Variants in KCNIP4 observed in about 807,000 individuals in gnomAD.
KCNIP4 encodes the protein Kv channel-interacting protein 4.
A neutral mutation model predicts 34.0 loss-of-function variants in KCNIP4; 12 were observed. The observed-to-expected ratio is 0.35, with a 90% CI of 0.23 to 0.57. The LOEUF (loss-of-function observed/expected upper bound fraction) is 0.57. Ranked by LOEUF, KCNIP4 falls within the 20% of genes least tolerant of loss-of-function variation. KCNIP4 has a pLI of 0.83. For missense variants in KCNIP4, 238 were observed against 311.7 expected, an observed-to-expected ratio of 0.76 and a Z score of 1.78; for synonymous variants, 124 against 102.2, an observed-to-expected ratio of 1.21 and a Z score of -1.29.
intron 1 of KCNIP4, among the ~76,000 whole-genome samples, chr4:20,948,472 G>A (rs149288181): frequency 1.3e-5 from 2 of 152,180 alleles, no homozygotes; most frequent in East Asian, 1.9e-4. Context: ...GCTCTTATCC[G>A]GGAGAGGAGA....
intron 1 of KCNIP4, among the ~76,000 whole-genome samples, chr4:21,557,454 T>G (rs1739159313): frequency 6.6e-6 from 1 of 152,192 alleles, no homozygotes. Flanking sequence ...GTCCTGTATA[T>G]GGATGAACCT....
At chr4:21,637,516 T>C (rs1279085941) in intron 1 of KCNIP4, among the ~76,000 whole-genome samples, 2 of 152,062 alleles carry the variant, frequency 1.3e-5, no homozygotes, top group African/African-American at 2.4e-5. Flanking sequence ...CGGTGGCTTA[T>C]GTAAGCATGT....
chr4:21,185,409 CTCTTCT>C (rs1296080769), intron 1 of KCNIP4, among the ~76,000 whole-genome samples: 1 of 151,526 alleles, frequency 6.6e-6, no homozygotes, highest in Non-Finnish European at 1.5e-5. Context: ...CTCCCTCTTC[CTCTTCT>C]TCCTCTCTGT....
At chr4:20,787,596 T>G (rs1490563795) in intron 3 of KCNIP4, among the ~76,000 whole-genome samples, 1 of 152,146 alleles carries the variant, frequency 6.6e-6, no homozygotes, top group African/African-American at 2.4e-5. Context: ...TGCATTAACT[T>G]TTAGTATAAG....
At chr4:21,167,864 G>A (rs947808517) in intron 1 of KCNIP4, among the ~76,000 whole-genome samples, 1 of 152,144 alleles carries the variant, frequency 6.6e-6, no homozygotes, top group Non-Finnish European at 1.5e-5. Context: ...CCTGGCAATT[G>A]CATTCACTTA....
At chr4:21,334,138 G>A (rs1332844290) in intron 1 of KCNIP4, among the ~76,000 whole-genome samples, 2 of 152,028 alleles carry the variant, frequency 1.3e-5, no homozygotes, top group Non-Finnish European at 2.9e-5. Context: ...TGGTGGTTGA[G>A]AGTTAAAGCT....
chr4:21,495,854 A>T (rs1169717221), intron 1 of KCNIP4, among the ~76,000 whole-genome samples: 2 of 152,218 alleles, frequency 1.3e-5, no homozygotes, highest in Admixed American at 1.3e-4. Flanking sequence ...CCTTGATTAG[A>T]ATTTCTCAAG....
chr4:21,927,844 C>T (rs532115904), intron 1 of KCNIP4, among the ~76,000 whole-genome samples: 1 of 152,108 alleles, frequency 6.6e-6, no homozygotes, highest in South Asian at 2.1e-4. Context: ...ACAATTGCTG[C>T]ATGAGCCTCA....
chr4:21,137,866 A>C, intron 1 of KCNIP4, among the ~76,000 whole-genome samples: 1 of 112,830 alleles, frequency 8.9e-6, no homozygotes, highest in African/African-American at 3.8e-5. Flanking sequence ...TTTCCCTTAC[A>C]CAGGCTTTTT....
At chr4:21,522,697 C>T in intron 1 of KCNIP4, among the ~76,000 whole-genome samples, 1 of 151,840 alleles carries the variant, frequency 6.6e-6, no homozygotes, top group East Asian at 1.9e-4. Context: ...TAGTTACTAC[C>T]TGTCCAACCA....
chr4:21,062,519 T>A (rs1370610813), intron 1 of KCNIP4, among the ~76,000 whole-genome samples: 1 of 144,330 alleles, frequency 6.9e-6, no homozygotes, highest in Admixed American at 7.2e-5. Flanking sequence ...CATATATGTA[T>A]GTGTGTGTGC....
chr4:21,140,745 C>G (rs986690694), intron 1 of KCNIP4, among the ~76,000 whole-genome samples: 2 of 152,124 alleles, frequency 1.3e-5, no homozygotes, highest in Non-Finnish European at 2.9e-5. Context: ...GTGGACTACT[C>G]TAGTCCCTGC....
intron 1 of KCNIP4, among the ~76,000 whole-genome samples, chr4:21,194,814 T>C (rs1273770376): frequency 1.3e-5 from 2 of 152,224 alleles, no homozygotes; most frequent in African/African-American, 4.8e-5. Context: ...CGAACCCTGC[T>C]GCAATTTTGG....
At chr4:21,122,482 C>A (rs564776297) in intron 1 of KCNIP4, among the ~76,000 whole-genome samples, 6 of 141,334 alleles carry the variant, frequency 4.2e-5, no homozygotes, top group African/African-American at 1.6e-4. Flanking sequence ...TTTTTAAGTG[C>A]GTATACATTT....
chr4:21,653,720 T>C (rs555897126), intron 1 of KCNIP4, among the ~76,000 whole-genome samples: 13 of 152,282 alleles, frequency 8.5e-5, no homozygotes, highest in African/African-American at 3.1e-4. Context: ...TGTTTAATCC[T>C]CACAACATTC....
chr4:21,869,887 G>A (rs17569369), intron 1 of KCNIP4, among the ~76,000 whole-genome samples: 61,732 of 151,918 alleles, frequency 0.41, 12,978 homozygotes, highest in Non-Finnish European at 0.46. Flanking sequence ...CCTGGCTTAG[G>A]CAATGAGGTG....
intron 1 of KCNIP4, among the ~76,000 whole-genome samples, chr4:21,614,691 A>G (rs1744452289): frequency 1.3e-5 from 2 of 151,214 alleles, no homozygotes; most frequent in Middle Eastern, 3.5e-3. Context: ...ATAAATTCAT[A>G]TATTTATGGC....
chr4:21,716,575 G>A (rs563504481), intron 1 of KCNIP4, among the ~76,000 whole-genome samples: 13 of 152,088 alleles, frequency 8.5e-5, no homozygotes, highest in Admixed American at 3.9e-4. Context: ...AGGCAGAAAC[G>A]GCTAGTTCCT....
At chr4:20,986,341 C>T (rs1736576677) in intron 1 of KCNIP4, among the ~76,000 whole-genome samples, 1 of 152,218 alleles carries the variant, frequency 6.6e-6, no homozygotes, top group Admixed American at 6.5e-5. Flanking sequence ...CCTGCCCAAT[C>T]ACCCATCCAT....
Sources: allele counts gnomAD v4.1 joint callset (sites outside exome capture counted in the v4.1 genomes callset), GRCh38; gene constraint gnomAD v4.1.1; transcripts MANE v1.5; gene names NCBI Gene and HGNC (gene_info 2026-07-23, HGNC 2026-07-21).